Variants in GREP1 observed in about 807,000 individuals in gnomAD.
GREP1 encodes glycine rich extracellular protein 1.
At chr16:2,990,103 T>C in exon 5 of GREP1, 1 of 399,258 alleles carries the variant, frequency 2.5e-6, no homozygotes, top group Non-Finnish European at 4.4e-6. Flanking sequence ...TGGTCAGGCA[T>C]GGGCTGGGAA....
At position 2,989,713 on chromosome 16, in the gene GREP1, G is replaced by C. The variant is rs568434708; in HGVS notation, c.130+161G>C. On this transcript the variant is annotated intron_variant, in intron 3 of 34. Transcript: ENST00000573315. The surrounding 1 kb of genome is among the most constrained non-coding windows in gnomAD (Gnocchi z 4.2). ...AGCATAGCCCCAGAGTGTCCCCCAGGCACCCTGGCTGGGGAGAGGGGAAGG... is the reference window on the plus strand; with the variant it reads ...AGCATAGCCCCAGAGTGTCCCCCAGCCACCCTGGCTGGGGAGAGGGGAAGG... Among the ~76,000 whole-genome samples the C allele has an allele frequency of 6.6e-6, 1 of 152,074 alleles. No homozygotes were observed. The highest frequency in any genetic ancestry group is 1.5e-5 in the Non-Finnish European group (1 of 67,976).
rs1175080626 is a variant in GREP1 at position 2,991,165 on chromosome 16, G to A, written c.322+64G>A. On this transcript the variant is annotated intron_variant, in intron 8 of 34. Coordinates refer to ENST00000573315, the Ensembl canonical transcript of GREP1. This position sits in a 1 kb window ranked among gnomAD's most constrained non-coding sequence, Gnocchi z 4.9. ...GGAGGGAGGGGGAAGGGGCAGAGCA[G>A]AGTCAGGGCACCAGGAGCTGGGAGA... 2.5e-6 allele frequency: 1 copy of A among 399,212 alleles called. No individual in the cohort carries two copies. The highest frequency in any genetic ancestry group is 4.4e-6 in the Non-Finnish European group (1 of 226,272). 24.7% of individuals were successfully genotyped at this position (399,212 alleles called of 1,614,324 possible). A position where few individuals can be genotyped will look rare whatever the true frequency, so the allele number is the denominator to read the frequency against.
intron 34 of GREP1, 49 bp downstream of exon 28, chr16:3,001,383 G>T (rs1460416501): frequency 2.5e-6 from 1 of 399,014 alleles, no homozygotes; most frequent in Non-Finnish European, 4.4e-6. Context: ...GGCCCCCCGT[G>T]GTCACCCCTC....
Position 2,992,647 on chromosome 16 carries a change from C to T in GREP1, c.323-158C>T. 1 of 396,492 alleles carries T rather than the reference C, an allele frequency of 2.5e-6. No homozygotes were observed. The highest frequency in any genetic ancestry group is 3.6e-5 in the East Asian group (1 of 27,968). The allele number at this position is 396,492 out of a possible 1,614,324, so 24.6% of individuals were successfully genotyped here. A position where few individuals can be genotyped will look rare whatever the true frequency, so the allele number is the denominator to read the frequency against. On this transcript the variant is annotated intron_variant, in intron 8 of 34. Coordinates refer to ENST00000573315, the Ensembl canonical transcript of GREP1. The surrounding 1 kb of genome is among the most constrained non-coding windows in gnomAD (Gnocchi z 4.9). Reference sequence around the variant, plus strand: ...TGGACTCCCGGGCCAAGAACCAAATCCAACTTTGACTGCAGTCAGGCCTGG... The same window carrying T: ...TGGACTCCCGGGCCAAGAACCAAATTCAACTTTGACTGCAGTCAGGCCTGG...
intron 23 of GREP1, among the ~76,000 whole-genome samples, 151 bp from the exon 22 acceptor site, chr16:2,998,205 G>A (rs2072436986): frequency 6.6e-6 from 1 of 152,000 alleles, no homozygotes; most frequent in African/African-American, 2.4e-5. Context: ...CTCATGCCCT[G>A]CTCTCCCTCC....
At position 2,989,080 on chromosome 16, in the gene GREP1, G is replaced by C. The variant is rs2151088712; in HGVS notation, c.101-443G>C. On this transcript the variant is annotated intron_variant, in intron 2 of 34. Coordinates refer to ENST00000573315, the Ensembl canonical transcript of GREP1. The surrounding 1 kb of genome is among the most constrained non-coding windows in gnomAD (Gnocchi z 4.2). ...ATGCATCTGAGCTTCAGGAGAGAAA[G>C]ATGGGGGGCAGAGGTGGTGAGAAGA... The C allele has an allele frequency of 4.2e-6, 1 of 237,172 alleles. No individual in the cohort carries two copies. Among genetic ancestry groups the C allele is most frequent in the South Asian group, 1.8e-4 (1 of 5,562 alleles). The allele number at this position is 237,172 out of a possible 1,614,324, so 14.7% of individuals were successfully genotyped here.
chr16:2,999,626 T>C (rs117354988), intron 27 of GREP1, among the ~76,000 whole-genome samples: 4 of 152,210 alleles, frequency 2.6e-5, no homozygotes, highest in Non-Finnish European at 5.9e-5. Context: ...CTAATCTTTG[T>C]ATTTTTGTAG....
intron 25 of GREP1, 35 bp from the exon 24 acceptor site, chr16:2,998,813 G>A: frequency 5.0e-6 from 2 of 399,102 alleles, no homozygotes; most frequent in Non-Finnish European, 8.8e-6. Flanking sequence ...CTGGCCTGGA[G>A]CATAGCCCCA....
chr16:3,000,404 G>A (rs1015228394), intron 30 of GREP1: 1 of 399,190 alleles, frequency 2.5e-6, no homozygotes, highest in Non-Finnish European at 4.4e-6. Flanking sequence ...CAGGGCCCCA[G>A]CCCAGCCTCT....
In GREP1 at chr16:2,990,454, G is replaced by T; in HGVS notation, c.200-1G>T. The T allele has an allele frequency of 5.0e-6, 2 of 399,134 alleles. No individual in the cohort carries two copies. The highest frequency in any genetic ancestry group is 8.8e-6 in the Non-Finnish European group (2 of 226,140). 24.7% of individuals were successfully genotyped at this position (399,134 alleles called of 1,614,324 possible). On this transcript the variant is annotated splice_acceptor_variant, in intron 5 of 34. Transcript: ENST00000573315. LOFTEE classifies it high-confidence loss of function. Reference sequence around the variant, plus strand: ...TCATCTGATCCCCCTCTCTTTCCCAGACACTGAAGGGGGCATGAAACCCCA... The same window carrying T: ...TCATCTGATCCCCCTCTCTTTCCCATACACTGAAGGGGGCATGAAACCCCA...
chr16:2,995,108 G>A (rs1178726611), intron 13 of GREP1, 146 bp downstream of exon 14: 20 of 398,082 alleles, frequency 5.0e-5, no homozygotes, highest in Non-Finnish European at 8.8e-5. Flanking sequence ...GGAACCATAG[G>A]CGCTGTGTCC....
rs767351871 is a variant in GREP1 at position 2,990,604 on chromosome 16, CG to C, written c.268+20del. 8.5e-5 allele frequency: 34 copies of C among 399,032 alleles called. No homozygotes were observed. Among genetic ancestry groups the C allele is most frequent in the Non-Finnish European group, 1.3e-4 (29 of 226,174 alleles). 24.7% of individuals were successfully genotyped at this position (399,032 alleles called of 1,614,324 possible). A position where few individuals can be genotyped will look rare whatever the true frequency, so the allele number is the denominator to read the frequency against. On this transcript the variant is annotated intron_variant, in intron 7 of 34. Transcript: ENST00000573315. ...CCCAGCCAGGTGAGGCTGGGGGAAG[CG>C]GGTAAGGAATGGGAGGGGCTTGGGG...
chr16:2,996,380 G>C (rs1223074955), intron 18 of GREP1, 116 bp from the exon 18 acceptor site: 3 of 397,848 alleles, frequency 7.5e-6, no homozygotes, highest in East Asian at 3.6e-5. Flanking sequence ...AGGCCTGGGA[G>C]GGGGAGCCAG....
chr16:2,997,689 G>T, intron 22 of GREP1, 114 bp from the exon 21 acceptor site: 1 of 398,390 alleles, frequency 2.5e-6, no homozygotes, highest in South Asian at 1.3e-4. Context: ...CACTGGTCAT[G>T]GACCAGGAAG....
intron 23 of GREP1, among the ~76,000 whole-genome samples, 199 bp downstream of exon 21, chr16:2,998,034 G>A (rs55893305): frequency 0.063 from 9,231 of 145,620 alleles, 667 homozygotes; most frequent in African/African-American, 0.17. Flanking sequence ...AGGCTCCAAC[G>A]GACAGAGTTG....
chr16:2,989,418 T>A lies in GREP1; in HGVS notation c.101-105T>A. 2.5e-6 allele frequency: 1 copy of A among 398,664 alleles called. No individual in the cohort carries two copies. Among genetic ancestry groups the A allele is most frequent in the Admixed American group, 4.4e-5 (1 of 22,720 alleles). The allele number at this position is 398,664 out of a possible 1,614,324, so 24.7% of individuals were successfully genotyped here. On this transcript the variant is annotated intron_variant, in intron 2 of 34. Coordinates refer to ENST00000573315, the Ensembl canonical transcript of GREP1. This position sits in a 1 kb window ranked among gnomAD's most constrained non-coding sequence, Gnocchi z 4.2. The stretch of plus-strand genomic sequence containing the variant: ...ACCCCACAGGCTTAGGGAGCCCAAA[T>A]GGCTACAGATCTGGTAAAGCTGGTG...
In GREP1 at chr16:2,989,196, A is replaced by T; in HGVS notation, c.101-327A>T. ...GAGGGTGGAGTGGGCTCTGCCCCACAGTCCCCCAGAGCCCTGGCTCAGACA... is the reference window on the plus strand; with the variant it reads ...GAGGGTGGAGTGGGCTCTGCCCCACTGTCCCCCAGAGCCCTGGCTCAGACA... On this transcript the variant is annotated intron_variant, in intron 2 of 34. Transcript: ENST00000573315. The surrounding 1 kb of genome is among the most constrained non-coding windows in gnomAD (Gnocchi z 4.2). 1 of 341,988 alleles carries T rather than the reference A, an allele frequency of 2.9e-6. No homozygotes were observed. The highest frequency in any genetic ancestry group is 5.3e-6 in the Non-Finnish European group (1 of 190,096). The allele number at this position is 341,988 out of a possible 1,614,324, so 21.2% of individuals were successfully genotyped here. A position where few individuals can be genotyped will look rare whatever the true frequency, so the allele number is the denominator to read the frequency against.
Position 2,988,393 on chromosome 16 carries a change from G to A in GREP1, c.67+50G>A, listed in dbSNP as rs765552336. ...TTGGAGAATGGGCATCTGTGACTGG[G>A]GCTGGGGGTCCAAGTGGGGCCCTGG... On this transcript the variant is annotated intron_variant, in intron 1 of 34. Coordinates refer to ENST00000573315, the Ensembl canonical transcript of GREP1. The A allele has an allele frequency of 1.8e-5, 7 of 399,100 alleles. No homozygotes were observed. In the South Asian group the frequency reaches 6.3e-4, roughly 36 times the overall value. 24.7% of individuals were successfully genotyped at this position (399,100 alleles called of 1,614,324 possible). A position where few individuals can be genotyped will look rare whatever the true frequency, so the allele number is the denominator to read the frequency against.
At position 2,991,318 on chromosome 16, in the gene GREP1, C is replaced by T. The variant is rs1468889392; in HGVS notation, c.322+217C>T. On this transcript the variant is annotated intron_variant, in intron 8 of 34. Transcript: ENST00000573315. The surrounding 1 kb of genome is among the most constrained non-coding windows in gnomAD (Gnocchi z 4.9). Reference sequence around the variant, plus strand: ...GCCTTGCCCACTTATATCCAGGCGCCTCTGGGTCCCTCAAGCCTGCCCACC... The same window carrying T: ...GCCTTGCCCACTTATATCCAGGCGCTTCTGGGTCCCTCAAGCCTGCCCACC... 5.2e-6 allele frequency: 2 copies of T among 388,240 alleles called. No individual in the cohort carries two copies. The highest frequency in any genetic ancestry group is 7.3e-5 in the East Asian group (2 of 27,416). 24.0% of individuals were successfully genotyped at this position (388,240 alleles called of 1,614,324 possible).
Sources: allele counts gnomAD v4.1 joint callset (sites outside exome capture counted in the v4.1 genomes callset), GRCh38; gene constraint gnomAD v4.1.1; non-coding constraint Gnocchi (gnomAD v3.1); transcripts MANE v1.5; gene names NCBI Gene and HGNC (gene_info 2026-07-23, HGNC 2026-07-21).